The following ZFP14 variants were observed in gnomAD, a reference collection of about 807,000 sequenced individuals.
ZFP14 encodes zinc finger protein 14 homolog.
In ZFP14, 22 loss-of-function variants were observed where a neutral mutation model predicts 54.5. That is an observed-to-expected ratio of 0.40 (90% CI 0.29 to 0.58). ZFP14 has a LOEUF of 0.58. Among genes scored for constraint, ZFP14 ranks in the 20% least tolerant of loss-of-function variants. ZFP14 has a pLI of 0.39. For missense variants in ZFP14, 470 were observed against 637.8 expected, an observed-to-expected ratio of 0.74 and a Z score of 2.83; for synonymous variants, 159 against 204.0, an observed-to-expected ratio of 0.78 and a Z score of 1.88.
chr19:36,358,293 T>G (rs1262561412), intron 4 of ZFP14, among the ~76,000 whole-genome samples: 1 of 151,844 alleles, frequency 6.6e-6, no homozygotes, highest in African/African-American at 2.4e-5. Flanking sequence ...GTATTTTTAG[T>G]AGAGACGGGG....
At chr19:36,354,042 T>G (rs1357584567) in intron 4 of ZFP14, among the ~76,000 whole-genome samples, 1 of 115,492 alleles carries the variant, frequency 8.7e-6, no homozygotes, top group Non-Finnish European at 1.8e-5. Flanking sequence ...ACCACTGCAC[T>G]CCAGCCTGGG....
At chr19:36,351,472 C>G (rs576080919) in intron 4 of ZFP14, among the ~76,000 whole-genome samples, 1 of 141,762 alleles carries the variant, frequency 7.1e-6, no homozygotes, top group South Asian at 2.2e-4. Flanking sequence ...GCACTCCAGC[C>G]TAGGCAACAG....
At chr19:36,346,502 C>T (rs950910434) in intron 4 of ZFP14, among the ~76,000 whole-genome samples, 1 of 151,928 alleles carries the variant, frequency 6.6e-6, no homozygotes, top group African/African-American at 2.4e-5. Context: ...TGTCGCCAGG[C>T]TGGAGTGTAG....
chr19:36,340,890 A>G lies in ZFP14; in HGVS notation c.936T>C (p.Tyr312=). Residue 312 remains tyrosine (Y), a synonymous_variant, in exon 5 of 5, where the codon TAT becomes TAC. Transcript: ENST00000270001. The surrounding 1 kb of genome is among the most constrained non-coding windows in gnomAD (Gnocchi z 5.4). ...AGGCTTTCCCACATTCCTTACATTC[A>G]TAGAGCTTTTCAGCAGTATGAAGTC... is the stretch of plus-strand genomic sequence containing the variant. ...HQRLHTAEKL[Y]ECKECGKAFV... 4.3e-6 allele frequency: 7 copies of G among 1,613,982 alleles called. No individual in the cohort carries two copies. The highest frequency in any genetic ancestry group is 5.9e-6 in the Non-Finnish European group (7 of 1,180,002).
intron 4 of ZFP14, among the ~76,000 whole-genome samples, chr19:36,347,135 G>A (rs375186356): frequency 6.6e-6 from 1 of 152,206 alleles, no homozygotes; most frequent in Non-Finnish European, 1.5e-5. Flanking sequence ...TTGACTGAGA[G>A]CATGTGTTTC....
At chr19:36,369,859 C>T (rs936881473) in intron 1 of ZFP14, among the ~76,000 whole-genome samples, 2 of 151,922 alleles carry the variant, frequency 1.3e-5, no homozygotes, top group Non-Finnish European at 2.9e-5. Flanking sequence ...TTCAAAAACA[C>T]GGTCTCACTC....
chr19:36,374,249 G>A (rs2031924631), intron 1 of ZFP14, among the ~76,000 whole-genome samples: 1 of 152,066 alleles, frequency 6.6e-6, no homozygotes, highest in Admixed American at 6.6e-5. Flanking sequence ...CCAGCACTTT[G>A]GGAGGCCAAG....
intron 1 of ZFP14, among the ~76,000 whole-genome samples, chr19:36,372,386 T>C (rs1262362570): frequency 1.3e-5 from 2 of 149,034 alleles, no homozygotes; most frequent in Admixed American, 1.3e-4. Flanking sequence ...AAACAGAAAA[T>C]ATTGAAAATA....
chr19:36,335,500 T>C lies in ZFP14; in HGVS notation c.*4724A>G, dbSNP rs2031174954. 6.6e-6 allele frequency: 1 copy of C among 152,140 alleles called. No homozygotes were observed. The highest frequency in any genetic ancestry group is 2.1e-4 in the South Asian group (1 of 4,824). The allele number at this position is 152,140 out of a possible 1,614,324, so 9.4% of individuals were successfully genotyped here. Reference sequence around the variant, plus strand: ...GGATTATTTTACCTTGCAGAATTAATTGGTAAAATCTTTAGGATTATCTAT... The same window carrying C: ...GGATTATTTTACCTTGCAGAATTAACTGGTAAAATCTTTAGGATTATCTAT... On this transcript the variant is annotated 3_prime_UTR_variant, in exon 5 of 5. Coordinates refer to ENST00000270001, the MANE Select transcript of ZFP14 (RefSeq NM_020917.3).
intron 4 of ZFP14, among the ~76,000 whole-genome samples, chr19:36,358,092 C>CTATCTATCATCT (rs757927325): frequency 3.9e-4 from 50 of 127,922 alleles, no homozygotes; most frequent in African/African-American, 1.4e-3. Context: ...ATCTATCTAT[C>CTATCTATCATCT]ATCTATCTAT....
chr19:36,351,598 C>T (rs1295679835), intron 4 of ZFP14, among the ~76,000 whole-genome samples: 2 of 143,124 alleles, frequency 1.4e-5, no homozygotes, highest in Admixed American at 7.1e-5. Flanking sequence ...CAGTGGCTTA[C>T]GCCTGTAATC....
chr19:36,370,486 A>T (rs181461924), intron 1 of ZFP14, among the ~76,000 whole-genome samples: 42 of 152,340 alleles, frequency 2.8e-4, no homozygotes, highest in Admixed American at 5.9e-4. Context: ...TGCCACCACC[A>T]TCAGGCTGAC....
intron 4 of ZFP14, among the ~76,000 whole-genome samples, chr19:36,349,764 C>T (rs986865686): frequency 6.7e-6 from 1 of 149,748 alleles, no homozygotes; most frequent in African/African-American, 2.4e-5. Context: ...ATCTAATGGA[C>T]AGCTTTAACA....
At chr19:36,346,481 G>C (rs112211958) in intron 4 of ZFP14, among the ~76,000 whole-genome samples, 5,702 of 151,610 alleles carry the variant, frequency 0.038, 328 homozygotes, top group African/African-American at 0.13. Flanking sequence ...TTTTGAGACA[G>C]AGTCTTGCTC....
intron 4 of ZFP14, among the ~76,000 whole-genome samples, chr19:36,345,286 C>A (rs17639740): frequency 6.6e-6 from 1 of 151,966 alleles, no homozygotes; most frequent in Non-Finnish European, 1.5e-5. Flanking sequence ...ACTTTTGTTC[C>A]TTCATATCCT....
In ZFP14 at chr19:36,339,267, G is replaced by C. The variant is rs2031263388; in HGVS notation, c.*957C>G. 6.6e-6 allele frequency: 1 copy of C among 152,116 alleles called. No individual in the cohort carries two copies. Among genetic ancestry groups the C allele is most frequent in the African/African-American group, 2.4e-5 (1 of 41,408 alleles). The allele number at this position is 152,116 out of a possible 1,614,324, so 9.4% of individuals were successfully genotyped here. A position where few individuals can be genotyped will look rare whatever the true frequency, so the allele number is the denominator to read the frequency against. Reference sequence around the variant, plus strand: ...ATAACAATTACAGATAATATTTACAGAATACATGCTATATGACTGTGATTC... The same window carrying C: ...ATAACAATTACAGATAATATTTACACAATACATGCTATATGACTGTGATTC... On this transcript the variant is annotated 3_prime_UTR_variant, in exon 5 of 5. Coordinates refer to ENST00000270001, the MANE Select transcript of ZFP14 (RefSeq NM_020917.3).
intron 4 of ZFP14, among the ~76,000 whole-genome samples, chr19:36,359,959 A>G (rs1484600587): frequency 1.3e-5 from 2 of 152,062 alleles, no homozygotes; most frequent in East Asian, 3.9e-4. Flanking sequence ...CCAGCCTCTT[A>G]TTATTCTTTT....
At chr19:36,359,467 G>T (rs62112629) in intron 4 of ZFP14, among the ~76,000 whole-genome samples, 54,136 of 151,864 alleles carry the variant, frequency 0.36, 9,792 homozygotes, top group South Asian at 0.43. Context: ...TCTGGGGCTG[G>T]CATTTTCTTT....
chr19:36,351,779 A>C lies in ZFP14; in HGVS notation c.235+8656T>G, dbSNP rs1398558059. On this transcript the variant is annotated intron_variant, in intron 4 of 4. Coordinates refer to ENST00000270001, the MANE Select transcript of ZFP14 (RefSeq NM_020917.3). ...GAGGCTGAAGTAGGAGAATTGCTTG[A>C]GCCCAGGAGTTTGAGGTTGCAGTGA... Among the ~76,000 whole-genome samples, 3 of 142,622 alleles carry C rather than the reference A, an allele frequency of 2.1e-5. 1 individual carries two copies. In the East Asian group the frequency reaches 6.2e-4, roughly 30 times the overall value. 93.6% of individuals were successfully genotyped at this position (142,622 alleles called of 152,430 possible). A position where few individuals can be genotyped will look rare whatever the true frequency, so the allele number is the denominator to read the frequency against.
Sources: gnomAD v4.1 joint callset for allele counts (sites outside exome capture counted in the v4.1 genomes callset) on GRCh38, gnomAD v4.1.1 for gene constraint, Gnocchi (gnomAD v3.1) non-coding constraint, MANE v1.5 for transcripts, NCBI Gene and HGNC (gene_info 2026-07-23, HGNC 2026-07-21) for gene names.